Variants in ARID1B observed in about 807,000 individuals in gnomAD.
ARID1B encodes the protein AT-rich interactive domain-containing protein 1B.
ARID1B carries 30 observed loss-of-function variants against 212.3 expected under a neutral mutation model. That is an observed-to-expected ratio of 0.14 (90% CI 0.11 to 0.19). ARID1B has a LOEUF of 0.19. Among genes scored for constraint, ARID1B ranks in the 10% least tolerant of loss-of-function variants. The pLI is 1.00. For missense variants in ARID1B, 2,891 were observed against 3,204.0 expected, an observed-to-expected ratio of 0.90 and a Z score of 2.36; for synonymous variants, 1,402 against 1,301.7, an observed-to-expected ratio of 1.08 and a Z score of -1.66.
intron 3 of ARID1B, among the ~76,000 whole-genome samples, chr6:156,925,312 G>A (rs1316980757): frequency 1.3e-5 from 2 of 152,134 alleles, no homozygotes; most frequent in South Asian, 2.1e-4. Flanking sequence ...CAGTAAGAAA[G>A]CATCATGAAG....
At chr6:157,061,056 AC>A (rs1481773088) in intron 4 of ARID1B, among the ~76,000 whole-genome samples, 13 of 151,998 alleles carry the variant, frequency 8.6e-5, no homozygotes, top group Non-Finnish European at 1.9e-4. Flanking sequence ...GGTCTGTCTC[AC>A]CTCCTGTGGA....
intron 1 of ARID1B, among the ~76,000 whole-genome samples, chr6:156,801,709 A>G (rs971219951): frequency 2.0e-5 from 3 of 152,090 alleles, no homozygotes; most frequent in African/African-American, 7.2e-5. Flanking sequence ...GTAGTAGAGA[A>G]AAGGCTGTTT....
chr6:156,943,211 C>T (rs146002145), intron 4 of ARID1B: 57 of 152,112 alleles, frequency 3.7e-4, no homozygotes, highest in African/African-American at 1.3e-3. Flanking sequence ...TTGTTTGGGT[C>T]AAGAAATTTT....
Position 157,133,203 on chromosome 6 carries a change from A to G in ARID1B, c.2757A>G (p.Pro919=). ...TYGPQMSQYG[P]QGNYSRPPAY... is the part of the protein sequence containing the mutation. ...GTCCACAGATGAGCCAGTATGGACC[A>G]CAAGGTAAAACCAAAGCTTCTCCAA... Residue 919 remains proline, a synonymous_variant, in exon 7 of 20, where the codon CCA becomes CCG. Transcript: ENST00000636930. 1 of 1,592,688 alleles carries G rather than the reference A, an allele frequency of 6.3e-7. No homozygotes were observed. The highest frequency in any genetic ancestry group is 8.5e-7 in the Non-Finnish European group (1 of 1,172,664).
intron 2 of ARID1B, among the ~76,000 whole-genome samples, chr6:156,862,975 C>G (rs188423233): frequency 6.6e-6 from 1 of 152,144 alleles, no homozygotes; most frequent in East Asian, 1.9e-4. Context: ...GCGTCAGTGC[C>G]TTGACGGAAT....
intron 1 of ARID1B, among the ~76,000 whole-genome samples, chr6:156,790,188 G>C (rs949371991): frequency 1.3e-5 from 2 of 152,086 alleles, no homozygotes; most frequent in African/African-American, 4.8e-5. Flanking sequence ...ATTTTTAACT[G>C]GTGAGGAAAT....
At chr6:157,081,231 T>C (rs552315296) in intron 4 of ARID1B, among the ~76,000 whole-genome samples, 2 of 152,286 alleles carry the variant, frequency 1.3e-5, no homozygotes, top group South Asian at 2.1e-4. Context: ...TGAGATGCAG[T>C]AAGGTCTCTC....
At chr6:157,065,187 T>G (rs1366447708) in intron 4 of ARID1B, among the ~76,000 whole-genome samples, 1 of 152,142 alleles carries the variant, frequency 6.6e-6, no homozygotes, top group African/African-American at 2.4e-5. Flanking sequence ...GAATATAAGT[T>G]AAAAGAAGTT....
chr6:156,861,690 C>A (rs1785344711), intron 2 of ARID1B, among the ~76,000 whole-genome samples: 1 of 152,192 alleles, frequency 6.6e-6, no homozygotes, highest in Non-Finnish European at 1.5e-5. Context: ...TGGTCTTATA[C>A]ACCTTCCCAC....
At chr6:156,911,909 A>G (rs1203834026) in intron 3 of ARID1B, among the ~76,000 whole-genome samples, 1 of 152,202 alleles carries the variant, frequency 6.6e-6, no homozygotes, top group Non-Finnish European at 1.5e-5. Flanking sequence ...ATAGAAGACC[A>G]CTTTAAATAA....
chr6:156,810,859 T>C (rs1781506593), intron 1 of ARID1B, among the ~76,000 whole-genome samples: 1 of 152,152 alleles, frequency 6.6e-6, no homozygotes, highest in Admixed American at 6.5e-5. Flanking sequence ...TGTGGATTAG[T>C]TTGCTGTTGC....
intron 2 of ARID1B, among the ~76,000 whole-genome samples, chr6:156,897,215 G>GCTTCTTCTTCTT (rs1297724982): frequency 9.7e-4 from 74 of 76,086 alleles, no homozygotes; most frequent in East Asian, 5.7e-3. Flanking sequence ...TGCTGCTGCT[G>GCTTCTTCTTCTT]CTGCTTCTTC....
intron 2 of ARID1B, among the ~76,000 whole-genome samples, chr6:156,897,658 G>T (rs1410056034): frequency 6.6e-6 from 1 of 151,630 alleles, no homozygotes; most frequent in Non-Finnish European, 1.5e-5. Context: ...AGTTTTGCAG[G>T]TTTTAAAAAA....
intron 16 of ARID1B, among the ~76,000 whole-genome samples, chr6:157,198,184 G>A (rs1431724585): frequency 2.0e-5 from 3 of 152,158 alleles, no homozygotes; most frequent in African/African-American, 7.2e-5. Flanking sequence ...TGTAATAGGT[G>A]TACATTTGAA....
chr6:156,829,446 T>A (rs1350983097), intron 2 of ARID1B, 25 bp downstream of exon 2: 2 of 1,597,080 alleles, frequency 1.3e-6, no homozygotes, highest in Admixed American at 1.7e-5. Flanking sequence ...CCCGACCCGC[T>A]GCTTTTTTGT....
At chr6:157,122,579 G>A (rs540703592) in intron 6 of ARID1B, among the ~76,000 whole-genome samples, 53 of 152,336 alleles carry the variant, frequency 3.5e-4, no homozygotes, top group African/African-American at 1.1e-3. Flanking sequence ...TGCCCGGGTC[G>A]GGCTCATACC....
chr6:157,207,280 C>T lies in ARID1B; in HGVS notation c.6508C>T (p.Pro2170Ser), dbSNP rs2128397384. 6.2e-7 allele frequency: 1 copy of T among 1,614,120 alleles called. No individual in the cohort carries two copies. Among genetic ancestry groups the T allele is most frequent in the Non-Finnish European group, 8.5e-7 (1 of 1,179,986 alleles). ...LSAYTESICLPILDGLLHWMV... is the reference protein window; with the variant it reads ...LSAYTESICLSILDGLLHWMV... ...TGCTTACACGGAAAGCATCTGCTTG[C>T]CAATTTTGGATGGCTTGCTGCACTG... The change falls in exon 20 of 20, where the codon CCA becomes TCA. Residue 2170 changes from proline (P) to serine (S), a missense_variant. By Grantham distance (74) the Pro-to-Ser change is moderately conservative. Around this residue, in one of 7 missense-constraint regions of ARID1B, gnomAD observed 187 missense variants for 306.5 expected, o/e 0.61. Coordinates refer to ENST00000636930, the MANE Select transcript of ARID1B (RefSeq NM_001374828.1). This position sits in a 1 kb window ranked among gnomAD's most constrained non-coding sequence, Gnocchi z 8.5.
At chr6:156,791,966 A>G (rs947679377) in intron 1 of ARID1B, among the ~76,000 whole-genome samples, 2 of 152,348 alleles carry the variant, frequency 1.3e-5, no homozygotes, top group South Asian at 4.1e-4. Flanking sequence ...GGAATTAAAT[A>G]CTTTTGACAT....
At position 157,114,750 on chromosome 6, in the gene ARID1B, T is replaced by C. The variant is rs115886202; in HGVS notation, c.2581+4189T>C. On this transcript the variant is annotated intron_variant, in intron 6 of 19. Coordinates refer to ENST00000636930, the MANE Select transcript of ARID1B (RefSeq NM_001374828.1). ...CCACAGGAGATAACATTTTCTTTAATGGCACGGAATCTAGAAACACATTTG... is the reference window on the plus strand; with the variant it reads ...CCACAGGAGATAACATTTTCTTTAACGGCACGGAATCTAGAAACACATTTG... Among the ~76,000 whole-genome samples the C allele has an allele frequency of 8.7e-3, 1,319 of 152,250 alleles. 26 individuals are homozygous for C. Among genetic ancestry groups the C allele is most frequent in the African/African-American group, 0.03 (1,243 of 41,534 alleles).
Sources: gnomAD v4.1 joint callset for allele counts (sites outside exome capture counted in the v4.1 genomes callset) on GRCh38, gnomAD v4.1.1 for gene constraint, gnomAD v4.1.1 regional missense constraint, Gnocchi (gnomAD v3.1) non-coding constraint, MANE v1.5 for transcripts, NCBI Gene and HGNC (gene_info 2026-07-23, HGNC 2026-07-21) for gene names.